FOXP1: variants seen among roughly 807,000 people sequenced by gnomAD.
The protein encoded by FOXP1 is forkhead box P1.
In FOXP1, 15 loss-of-function variants were observed where a neutral mutation model predicts 98.2. The observed-to-expected ratio is 0.15, with a 90% CI of 0.10 to 0.24. The LOEUF (loss-of-function observed/expected upper bound fraction) is 0.24. FOXP1 is among the 10% of genes least tolerant of loss of function. The pLI is 1.00. For missense variants in FOXP1, 633 were observed against 848.5 expected (o/e 0.75, Z 3.15); for synonymous variants, 371 against 314.5 (o/e 1.18, Z -1.90).
At chr3:70,985,477 AT>A (rs1040832553) in intron 14 of FOXP1, among the ~76,000 whole-genome samples, 8 of 152,090 alleles carry the variant, frequency 5.3e-5, no homozygotes, top group African/African-American at 1.7e-4. Flanking sequence ...ACCTATACAT[AT>A]TTTAATAATT....
At chr3:71,468,543 A>G (rs1023388526) in intron 3 of FOXP1, among the ~76,000 whole-genome samples, 1 of 152,180 alleles carries the variant, frequency 6.6e-6, no homozygotes, top group Non-Finnish European at 1.5e-5. Flanking sequence ...TTTGTTATGT[A>G]TAAAGACATT....
At chr3:71,053,072 C>CGAATCTCA (rs1303008413) in intron 8 of FOXP1, among the ~76,000 whole-genome samples, 2 of 152,104 alleles carry the variant, frequency 1.3e-5, no homozygotes, top group Non-Finnish European at 2.9e-5. Context: ...GCTGTAGTTC[C>CGAATCTCA]GAATCTCATC....
chr3:71,400,222 G>C (rs1259835546), intron 3 of FOXP1, among the ~76,000 whole-genome samples: 1 of 152,002 alleles, frequency 6.6e-6, no homozygotes, highest in East Asian at 1.9e-4. Context: ...TCATTACCTG[G>C]CTGATTCAAC....
intron 20 of FOXP1, among the ~76,000 whole-genome samples, chr3:70,960,872 T>C (rs1242565075): frequency 3.3e-5 from 5 of 151,140 alleles, no homozygotes; most frequent in Admixed American, 6.6e-5. Context: ...GACGGAGTCT[T>C]GCTCTGTCGC....
chr3:71,334,014 A>G (rs1372342939), intron 4 of FOXP1: 1 of 152,222 alleles, frequency 6.6e-6, no homozygotes, highest in Non-Finnish European at 1.5e-5. Flanking sequence ...AGAAGGTTAA[A>G]ATGAAAAACA....
Position 71,015,644 on chromosome 3 carries a change from A to G in FOXP1, c.879T>C (p.His293=), listed in dbSNP as rs2107740285. The change falls in exon 12 of 21, where the codon CAT becomes CAC. Residue 293 remains histidine (H), a synonymous_variant. Coordinates refer to ENST00000649528, the MANE Select transcript of FOXP1 (RefSeq NM_001349338.3). ...VHTPKRESLS[H]EEHPHSHPLY... The stretch of plus-strand genomic sequence containing the variant: ...GAGGATGGCTATGGGGGTGCTCCTC[A>G]TGGGACAAACTGAAAGAAAACACAC... 1.2e-6 allele frequency: 2 copies of G among 1,608,714 alleles called. No individual in the cohort carries two copies. Among genetic ancestry groups the G allele is most frequent in the Non-Finnish European group, 8.5e-7 (1 of 1,175,356 alleles).
chr3:71,451,794 C>T (rs2086984191), intron 3 of FOXP1, among the ~76,000 whole-genome samples: 1 of 151,954 alleles, frequency 6.6e-6, no homozygotes, highest in Non-Finnish European at 1.5e-5. Context: ...AATACTAGAA[C>T]CAAAAAGGAA....
intron 3 of FOXP1, among the ~76,000 whole-genome samples, chr3:71,434,618 C>T (rs1487165153): frequency 2.1e-5 from 3 of 144,308 alleles, no homozygotes; most frequent in Non-Finnish European, 4.5e-5. Context: ...CGGTGACCCT[C>T]ATGAGGGGAT....
intron 6 of FOXP1, among the ~76,000 whole-genome samples, chr3:71,126,740 C>T (rs1263573953): frequency 1.3e-5 from 2 of 151,430 alleles, no homozygotes; most frequent in African/African-American, 2.4e-5. Context: ...ATGAGAATCC[C>T]TTGAACCCGT....
At chr3:71,511,069 A>G (rs2107319980) in intron 2 of FOXP1, among the ~76,000 whole-genome samples, 1 of 152,340 alleles carries the variant, frequency 6.6e-6, no homozygotes, top group South Asian at 2.1e-4. Context: ...TTCGGTGATA[A>G]TAAAAGGCTT....
intron 10 of FOXP1, among the ~76,000 whole-genome samples, chr3:71,045,946 A>T (rs1171694776): frequency 6.6e-6 from 1 of 152,144 alleles, no homozygotes; most frequent in Non-Finnish European, 1.5e-5. Context: ...CCAACATCCA[A>T]ATCTACTAGA....
At chr3:71,328,432 C>T (rs2107704780) in intron 4 of FOXP1, among the ~76,000 whole-genome samples, 1 of 152,312 alleles carries the variant, frequency 6.6e-6, no homozygotes, top group East Asian at 1.9e-4. Context: ...ATCAAAATAT[C>T]ATTGCTTGCT....
intron 11 of FOXP1, among the ~76,000 whole-genome samples, chr3:71,017,425 T>A (rs1427113129): frequency 6.6e-6 from 1 of 151,866 alleles, no homozygotes; most frequent in African/African-American, 2.4e-5. Context: ...TTATTTTCTT[T>A]AGCAATTTTA....
chr3:70,981,884 A>C (rs2038930979), intron 14 of FOXP1, among the ~76,000 whole-genome samples: 1 of 152,226 alleles, frequency 6.6e-6, no homozygotes, highest in Admixed American at 6.5e-5. Context: ...CCCGTGAGGG[A>C]AGGAAGAAGA....
chr3:71,576,928 G>A (rs758835648), intron 2 of FOXP1, among the ~76,000 whole-genome samples: 14 of 152,068 alleles, frequency 9.2e-5, no homozygotes, highest in Non-Finnish European at 1.3e-4. Flanking sequence ...AATAACTACC[G>A]AACAAACACC....
In FOXP1 at chr3:71,020,135, C is replaced by T. The variant is rs115301090; in HGVS notation, c.870-4482G>A. 4.7e-3 allele frequency among the ~76,000 whole-genome samples: 711 copies of T among 152,124 alleles called. 4 individuals are homozygous for T. Among genetic ancestry groups the T allele is most frequent in the Non-Finnish European group, 6.3e-3 (427 of 67,996 alleles). The stretch of plus-strand genomic sequence containing the variant: ...GAAAAGCCAGTTAATTTAAATTTCT[C>T]TTGATAATCCTTGATATGTAAAAAT... On this transcript the variant is annotated intron_variant, in intron 11 of 20. Coordinates refer to ENST00000649528, the MANE Select transcript of FOXP1 (RefSeq NM_001349338.3).
intron 4 of FOXP1, among the ~76,000 whole-genome samples, chr3:71,337,968 G>C (rs1452811316): frequency 6.6e-6 from 1 of 152,176 alleles, no homozygotes; most frequent in Non-Finnish European, 1.5e-5. Context: ...TCACAGGGCT[G>C]GACATCCTTA....
intron 3 of FOXP1, among the ~76,000 whole-genome samples, chr3:71,431,643 A>T (rs2084732403): frequency 6.6e-6 from 1 of 152,192 alleles, no homozygotes; most frequent in African/African-American, 2.4e-5. Context: ...ACTTACTACA[A>T]CTAAACATAT....
intron 7 of FOXP1, among the ~76,000 whole-genome samples, chr3:71,085,254 C>A (rs1279013487): frequency 6.6e-6 from 1 of 152,076 alleles, no homozygotes; most frequent in Non-Finnish European, 1.5e-5. Context: ...GCAATCCTCC[C>A]ATGTCAGCCT....
Sources: allele counts gnomAD v4.1 joint callset (sites outside exome capture counted in the v4.1 genomes callset), GRCh38; gene constraint gnomAD v4.1.1; transcripts MANE v1.5; gene names NCBI Gene and HGNC (gene_info 2026-07-23, HGNC 2026-07-21).